The following GALNTL6 variants were observed in gnomAD, a reference collection of about 807,000 sequenced individuals.
GALNTL6 encodes the protein polypeptide N-acetylgalactosaminyltransferase-like 6.
A neutral mutation model predicts 73.7 loss-of-function variants in GALNTL6; 46 were observed. The observed-to-expected ratio is 0.62, with a 90% CI of 0.49 to 0.80. The LOEUF (loss-of-function observed/expected upper bound fraction) is 0.80. GALNTL6 is among the 30% of genes least tolerant of loss of function. The pLI is 0.00. For synonymous variants in GALNTL6, 259 were observed against 263.7 expected (o/e 0.98, Z 0.17); for missense variants, 604 against 755.0 (o/e 0.80, Z 2.34).
At chr4:171,844,163 A>G (rs1237451550) in intron 2 of GALNTL6, among the ~76,000 whole-genome samples, 1 of 152,126 alleles carries the variant, frequency 6.6e-6, no homozygotes, top group Non-Finnish European at 1.5e-5. Context: ...CTAAAGGTGG[A>G]ATATCAATCT....
intron 5 of GALNTL6, among the ~76,000 whole-genome samples, chr4:172,572,747 A>T (rs1031856559): frequency 6.6e-6 from 1 of 152,090 alleles, no homozygotes; most frequent in Admixed American, 6.6e-5. Context: ...CCATCTGAAA[A>T]ACATATATGT....
At chr4:172,363,497 C>T (rs1234683070) in intron 5 of GALNTL6, among the ~76,000 whole-genome samples, 1 of 152,132 alleles carries the variant, frequency 6.6e-6, no homozygotes, top group Non-Finnish European at 1.5e-5. Flanking sequence ...AGAATGCATA[C>T]AAAATGCTTA....
At chr4:172,851,510 A>G (rs2111110389) in intron 7 of GALNTL6, among the ~76,000 whole-genome samples, 1 of 152,056 alleles carries the variant, frequency 6.6e-6, no homozygotes, top group East Asian at 1.9e-4. Flanking sequence ...TGTCACAACT[A>G]CTCACAAATA....
intron 5 of GALNTL6, among the ~76,000 whole-genome samples, chr4:172,760,182 G>A (rs1737998447): frequency 6.6e-6 from 1 of 152,068 alleles, no homozygotes; most frequent in South Asian, 2.1e-4. Context: ...AGAGAATGGG[G>A]CCAGTCAACC....
chr4:172,159,211 T>C (rs1734378014), intron 2 of GALNTL6, among the ~76,000 whole-genome samples: 1 of 152,094 alleles, frequency 6.6e-6, no homozygotes, highest in Non-Finnish European at 1.5e-5. Context: ...TCATTCACCC[T>C]CTTGAAGAGA....
intron 7 of GALNTL6, among the ~76,000 whole-genome samples, chr4:172,827,204 C>T (rs151304380): frequency 6.6e-6 from 1 of 152,308 alleles, no homozygotes; most frequent in African/African-American, 2.4e-5. Flanking sequence ...CGGTTGCAGG[C>T]TTTTACTGAG....
chr4:171,917,311 T>C (rs899749374), intron 2 of GALNTL6, among the ~76,000 whole-genome samples: 3 of 151,930 alleles, frequency 2.0e-5, no homozygotes, highest in Non-Finnish European at 2.9e-5. Context: ...AAGGTGAGCT[T>C]GGCAGGTTGC....
intron 5 of GALNTL6, among the ~76,000 whole-genome samples, chr4:172,629,933 T>A (rs758303211): frequency 2.0e-5 from 3 of 152,206 alleles, no homozygotes; most frequent in Non-Finnish European, 2.9e-5. Context: ...CCTCAGGGAT[T>A]ATTATTAGCA....
chr4:172,890,397 G>T (rs965609950), intron 8 of GALNTL6, among the ~76,000 whole-genome samples: 1 of 151,952 alleles, frequency 6.6e-6, no homozygotes, highest in African/African-American at 2.4e-5. Flanking sequence ...TTTTAATACT[G>T]CTTGTGCTGC....
At chr4:171,824,331 G>T (rs549153) in intron 2 of GALNTL6, among the ~76,000 whole-genome samples, 1 of 151,294 alleles carries the variant, frequency 6.6e-6, no homozygotes, top group Non-Finnish European at 1.5e-5. Flanking sequence ...ATGGACACTA[G>T]CTCCAGACTC....
At chr4:171,887,607 A>T (rs1488373837) in intron 2 of GALNTL6, among the ~76,000 whole-genome samples, 1 of 152,190 alleles carries the variant, frequency 6.6e-6, no homozygotes, top group Admixed American at 6.5e-5. Flanking sequence ...TAAATGAATG[A>T]TGGAGACAGG....
At chr4:171,855,835 T>C (rs141549538) in intron 2 of GALNTL6, among the ~76,000 whole-genome samples, 140 of 152,308 alleles carry the variant, frequency 9.2e-4, no homozygotes, top group African/African-American at 3.0e-3. Flanking sequence ...CATTCTTGTT[T>C]TAATTTAGAA....
At position 172,786,368 on chromosome 4, in the gene GALNTL6, G is replaced by A. The variant is rs140013911; in HGVS notation, c.554-22993G>A. Among the ~76,000 whole-genome samples, 7 of 152,318 alleles carry A rather than the reference G, an allele frequency of 4.6e-5. 1 individual carries two copies. Among genetic ancestry groups the A allele is most frequent in the African/African-American group, 1.7e-4 (7 of 41,566 alleles). On this transcript the variant is annotated intron_variant, in intron 5 of 12. Transcript: ENST00000506823. ...GAATATAATTATCATGACTCACTTT[G>A]TAGTGTAGTGAATACAGTATTTTTT...
intron 2 of GALNTL6, among the ~76,000 whole-genome samples, chr4:171,836,349 G>A (rs1579496293): frequency 6.6e-6 from 1 of 151,938 alleles, no homozygotes; most frequent in South Asian, 2.1e-4. Flanking sequence ...AACTTTGGGG[G>A]CAACAATGAC....
At chr4:172,262,994 A>T (rs902489512) in intron 3 of GALNTL6, among the ~76,000 whole-genome samples, 2 of 151,468 alleles carry the variant, frequency 1.3e-5, no homozygotes, top group African/African-American at 4.8e-5. Context: ...ATCTGCTGTT[A>T]ATCTAAAGGT....
chr4:171,890,943 A>G lies in GALNTL6; in HGVS notation c.138+76225A>G, dbSNP rs1390860751. ...ATTGTGTTCTTGTTACTGCTAAATAACTTCATGTTGTCGTCATTACAATAA... is the reference window on the plus strand; with the variant it reads ...ATTGTGTTCTTGTTACTGCTAAATAGCTTCATGTTGTCGTCATTACAATAA... On this transcript the variant is annotated intron_variant, in intron 2 of 12. Transcript: ENST00000506823. Among the ~76,000 whole-genome samples, 3 of 152,074 alleles carry G rather than the reference A, an allele frequency of 2.0e-5. No individual in the cohort carries two copies. In the East Asian group the frequency reaches 5.8e-4, roughly 29 times the overall value.
intron 5 of GALNTL6, among the ~76,000 whole-genome samples, chr4:172,802,107 A>G (rs558235655): frequency 4.1e-5 from 6 of 145,696 alleles, no homozygotes; most frequent in East Asian, 2.1e-4. Context: ...GATTTTGCCA[A>G]TTGTATTCCT....
intron 5 of GALNTL6, among the ~76,000 whole-genome samples, chr4:172,666,491 G>A (rs975022171): frequency 2.6e-5 from 4 of 152,088 alleles, no homozygotes; most frequent in African/African-American, 9.7e-5. Context: ...CTCACACAAA[G>A]ACTGCACAAC....
chr4:172,612,493 A>G (rs1738562740), intron 5 of GALNTL6, among the ~76,000 whole-genome samples: 1 of 152,074 alleles, frequency 6.6e-6, no homozygotes, highest in African/African-American at 2.4e-5. Flanking sequence ...AAAGTTCTCC[A>G]GATGTTTCCT....
Sources: gnomAD v4.1 joint callset for allele counts (sites outside exome capture counted in the v4.1 genomes callset) on GRCh38, gnomAD v4.1.1 for gene constraint, MANE v1.5 for transcripts, NCBI Gene and HGNC (gene_info 2026-07-23, HGNC 2026-07-21) for gene names.